Variants in PCDHGA2 observed in about 807,000 individuals in gnomAD.
PCDHGA2 encodes protocadherin gamma subfamily A, 2, also known as protocadherin gamma-A2.
In PCDHGA2, 40 loss-of-function variants were observed where a neutral mutation model predicts 59.2. The observed-to-expected ratio is 0.68, with a 90% CI of 0.52 to 0.88. The LOEUF (loss-of-function observed/expected upper bound fraction) is 0.88. Ranked by LOEUF, PCDHGA2 falls within the 40% of genes least tolerant of loss-of-function variation. The pLI is 0.00. For missense variants in PCDHGA2, 1,226 were observed against 1,204.0 expected, an observed-to-expected ratio of 1.02 and a Z score of -0.27; for synonymous variants, 560 against 526.0, an observed-to-expected ratio of 1.06 and a Z score of -0.89.
chr5:141,366,855 A>C, intron 1 of PCDHGA2: 3 of 1,456,922 alleles, frequency 2.1e-6, no homozygotes, highest in Non-Finnish European at 2.8e-6. Flanking sequence ...ATAGTGGAAC[A>C]TTATTTGCTG....
chr5:141,347,744 G>A (rs78776359), intron 1 of PCDHGA2, among the ~76,000 whole-genome samples: 13,019 of 150,764 alleles, frequency 0.086, 751 homozygotes, highest in Non-Finnish European at 0.13. Context: ...CCAAAATTGG[G>A]CCACTGCACT....
At position 141,420,340 on chromosome 5, in the gene PCDHGA2, G is replaced by A. The variant is rs1405507680; in HGVS notation, c.2425-74467G>A. ...ATATGCCAATATATTCCAATATAGT[G>A]GTATTATTTTAAGATTCTAGATAAC... On this transcript the variant is annotated intron_variant, in intron 1 of 3. Transcript: ENST00000394576. The A allele has an allele frequency of 2.9e-6, 4 of 1,387,388 alleles. No homozygotes were observed. In the African/African-American group the frequency reaches 4.4e-5, roughly 15 times the overall value. 85.9% of individuals were successfully genotyped at this position (1,387,388 alleles called of 1,614,324 possible). A position where few individuals can be genotyped will look rare whatever the true frequency, so the allele number is the denominator to read the frequency against.
intron 1 of PCDHGA2, chr5:141,427,265 C>A (rs767369457): frequency 6.6e-6 from 3 of 456,572 alleles, no homozygotes; most frequent in Non-Finnish European, 8.8e-6. Context: ...GCATGACCAG[C>A]GAATGTAAAA....
At chr5:141,499,451 T>A (rs1378621877) in intron 2 of PCDHGA2, among the ~76,000 whole-genome samples, 3 of 152,130 alleles carry the variant, frequency 2.0e-5, no homozygotes, top group Non-Finnish European at 4.4e-5. Flanking sequence ...AAACCACCCA[T>A]CATTTTACAA....
At position 141,370,864 on chromosome 5, in the gene PCDHGA2, C is replaced by T. The variant is rs372472671; in HGVS notation, c.2424+29469C>T. 2.7e-5 allele frequency: 43 copies of T among 1,614,034 alleles called. 1 individual carries two copies. The highest frequency in any genetic ancestry group is 3.6e-5 in the Non-Finnish European group (42 of 1,179,900). On this transcript the variant is annotated intron_variant, in intron 1 of 3. Coordinates refer to ENST00000394576, the MANE Select transcript of PCDHGA2 (RefSeq NM_018915.4). The stretch of plus-strand genomic sequence containing the variant: ...GGAGCCACATTTGCCCTGGAATCTG[C>T]GCAAGATCCTGATGTAGGTGTCAAT...
At chr5:141,455,661 T>TG (rs2098828692) in intron 1 of PCDHGA2, among the ~76,000 whole-genome samples, 1 of 152,024 alleles carries the variant, frequency 6.6e-6, no homozygotes, top group South Asian at 2.1e-4. Context: ...CAGGAACTTG[T>TG]GGGGCAAGGG....
intron 1 of PCDHGA2, chr5:141,376,333 G>A: frequency 6.2e-7 from 1 of 1,614,188 alleles, no homozygotes; most frequent in Non-Finnish European, 8.5e-7. Context: ...GGGCTTTCCT[G>A]CAGACCTATT....
intron 1 of PCDHGA2, chr5:141,371,582 A>G (rs1442849202): frequency 1.9e-6 from 3 of 1,613,934 alleles, no homozygotes; most frequent in East Asian, 2.2e-5. Context: ...AAATCGTTCA[A>G]GATACCAAAA....
chr5:141,344,569 C>G, intron 1 of PCDHGA2: 3 of 1,614,034 alleles, frequency 1.9e-6, no homozygotes, highest in Non-Finnish European at 2.5e-6. Context: ...GACTACTTCT[C>G]TCTGGCTGTG....
rs1192987646 is a variant in PCDHGA2, at chr5:141,423,758, G to A, written c.2425-71049G>A. Reference sequence around the variant, plus strand: ...CTGTTATGAAAACTGTTTGGGGGGGGGGTGGGGCGGCATATATTTAGTTCA... The same window carrying A: ...CTGTTATGAAAACTGTTTGGGGGGGAGGTGGGGCGGCATATATTTAGTTCA... On this transcript the variant is annotated intron_variant, in intron 1 of 3. Coordinates refer to ENST00000394576, the MANE Select transcript of PCDHGA2 (RefSeq NM_018915.4). 8.2e-5 allele frequency: 30 copies of A among 366,770 alleles called. 3 individuals are homozygous for A. Among genetic ancestry groups the A allele is most frequent in the Non-Finnish European group, 1.1e-4 (29 of 259,742 alleles). The allele number at this position is 366,770 out of a possible 1,614,324, so 22.7% of individuals were successfully genotyped here.
chr5:141,404,585 A>G (rs541341061), intron 1 of PCDHGA2: 2 of 1,614,006 alleles, frequency 1.2e-6, no homozygotes, highest in East Asian at 2.2e-5. Context: ...ACTTAGCAGC[A>G]ATGTGTCATT....
chr5:141,410,161 A>C (rs2095363664), intron 1 of PCDHGA2: 1 of 1,613,220 alleles, frequency 6.2e-7, no homozygotes, highest in African/African-American at 1.3e-5. Context: ...GACAGCCGCC[A>C]CTCTCTGCCA....
At chr5:141,412,981 G>C (rs1309699690) in intron 1 of PCDHGA2, 2 of 546,326 alleles carry the variant, frequency 3.7e-6, no homozygotes, top group Non-Finnish European at 3.1e-6. Context: ...AACGCAGCCA[G>C]AGCTCAATCC....
chr5:141,350,984 G>A (rs776868264), intron 1 of PCDHGA2: 4 of 1,614,090 alleles, frequency 2.5e-6, no homozygotes, highest in South Asian at 1.1e-5. Flanking sequence ...GTTTAGCCAG[G>A]AGGTATACAG....
Position 141,477,289 on chromosome 5 carries a change from T to G in PCDHGA2, c.2425-17518T>G, listed in dbSNP as rs759477848. On this transcript the variant is annotated intron_variant, in intron 1 of 3. Coordinates refer to ENST00000394576, the MANE Select transcript of PCDHGA2 (RefSeq NM_018915.4). The surrounding 1 kb of genome is among the most constrained non-coding windows in gnomAD (Gnocchi z 4.9). ...AGAACGGGCTGGTGACCTGCGAAGT[T>G]CCACCGGGTCTCCCTTTCAGCCTTA... The G allele has an allele frequency of 3.2e-5, 52 of 1,614,046 alleles. No individual in the cohort carries two copies. Among genetic ancestry groups the G allele is most frequent in the Non-Finnish European group, 4.2e-5 (50 of 1,180,040 alleles).
rs374202401 is a variant in PCDHGA2, at chr5:141,360,323, C to A, written c.2424+18928C>A. 3.1e-6 allele frequency: 5 copies of A among 1,613,798 alleles called. No homozygotes were observed. In the African/African-American group the frequency reaches 6.7e-5, roughly 22 times the overall value. ...GGGCTCAGCGTCCGGGACTTGCCAGCCCGGAAGCTGCGGGTTAGCGCGGAG... is the reference window on the plus strand; with the variant it reads ...GGGCTCAGCGTCCGGGACTTGCCAGACCGGAAGCTGCGGGTTAGCGCGGAG... On this transcript the variant is annotated intron_variant, in intron 1 of 3. Transcript: ENST00000394576.
intron 1 of PCDHGA2, chr5:141,441,743 C>G (rs1298220876): frequency 2.7e-6 from 1 of 367,284 alleles, no homozygotes; most frequent in Non-Finnish European, 5.4e-6. Flanking sequence ...AGCTCGCGCT[C>G]GGCGTCAACG....
intron 1 of PCDHGA2, chr5:141,356,581 A>T (rs762640676): frequency 6.2e-7 from 1 of 1,614,132 alleles, no homozygotes; most frequent in East Asian, 2.2e-5. Flanking sequence ...CTCTGCTTAC[A>T]TTCCTGAAAA....
chr5:141,361,071 A>G (rs1453413106), intron 1 of PCDHGA2: 1 of 1,613,984 alleles, frequency 6.2e-7, no homozygotes, highest in South Asian at 1.1e-5. Context: ...TTGAGATTGC[A>G]AGTAGTTACA....
Sources: allele counts gnomAD v4.1 joint callset (sites outside exome capture counted in the v4.1 genomes callset), GRCh38; gene constraint gnomAD v4.1.1; non-coding constraint Gnocchi (gnomAD v3.1); transcripts MANE v1.5; gene names NCBI Gene and HGNC (gene_info 2026-07-23, HGNC 2026-07-21).